VPS13B: variants seen among roughly 807,000 people sequenced by gnomAD.
VPS13B encodes vacuolar protein sorting 13 homolog B, also known as intermembrane lipid transfer protein VPS13B.
In VPS13B, 285 loss-of-function variants were observed where a neutral mutation model predicts 426.4. The observed-to-expected ratio is 0.67, with a 90% CI of 0.61 to 0.74. The LOEUF is 0.74. Ranked by LOEUF, VPS13B falls within the 30% of genes least tolerant of loss-of-function variation. VPS13B has a pLI of 0.00. For missense variants in VPS13B, 4,537 were observed against 4,782.6 expected (o/e 0.95, Z 1.51); for synonymous variants, 1,676 against 1,676.4 (o/e 1.00, Z 0.01).
At chr8:99,747,800 T>C (rs574752552) in intron 39 of VPS13B, among the ~76,000 whole-genome samples, 27 of 152,166 alleles carry the variant, frequency 1.8e-4, no homozygotes, top group African/African-American at 5.8e-4. Flanking sequence ...TTCTGAGGTT[T>C]TTTGTTTTGT....
intron 24 of VPS13B, among the ~76,000 whole-genome samples, chr8:99,475,433 A>G (rs576470769): frequency 8.9e-4 from 135 of 152,200 alleles, no homozygotes; most frequent in African/African-American, 3.0e-3. Flanking sequence ...GGATAGTCCT[A>G]CTCCACATGT....
chr8:99,810,739 A>G (rs916323031), intron 44 of VPS13B, among the ~76,000 whole-genome samples: 30 of 152,352 alleles, frequency 2.0e-4, no homozygotes, highest in Admixed American at 3.9e-4. Context: ...ATGTAAGCCC[A>G]ACAATGTTGT....
chr8:99,859,452 C>T lies in VPS13B; in HGVS notation c.11016C>T (p.Thr3672=), dbSNP rs2130933856. 1 of 1,613,912 alleles carries T rather than the reference C, an allele frequency of 6.2e-7. No individual in the cohort carries two copies. The highest frequency in any genetic ancestry group is 1.1e-5 in the South Asian group (1 of 91,072). ...TCGTGAGTGGCGTCTCCAGAGGGACCACATCGTTTGTAAAGCACATCTCCA... is the reference window on the plus strand; with the variant it reads ...TCGTGAGTGGCGTCTCCAGAGGGACTACATCGTTTGTAAAGCACATCTCCA... ...GAFVSGVSRG[T]TSFVKHISKG... The change falls in exon 57 of 62, where the codon ACC becomes ACT. Residue 3672 remains threonine, a synonymous_variant. Transcript: ENST00000357162.
At chr8:99,319,477 A>G (rs1218507898) in intron 19 of VPS13B, among the ~76,000 whole-genome samples, 2 of 152,220 alleles carry the variant, frequency 1.3e-5, no homozygotes, top group Admixed American at 6.5e-5. Flanking sequence ...TTTAACTTAC[A>G]TGGAAATCTG....
At chr8:99,724,988 A>G (rs1349147575) in intron 39 of VPS13B, among the ~76,000 whole-genome samples, 1 of 152,092 alleles carries the variant, frequency 6.6e-6, no homozygotes, top group Non-Finnish European at 1.5e-5. Flanking sequence ...CCAACCTATA[A>G]CATCCTGCTT....
At chr8:99,468,379 T>C (rs947887202) in intron 24 of VPS13B, among the ~76,000 whole-genome samples, 1 of 152,134 alleles carries the variant, frequency 6.6e-6, no homozygotes, top group African/African-American at 2.4e-5. Context: ...TATTAAACTG[T>C]AAAATTACAA....
At chr8:99,342,598 G>T (rs1811313725) in intron 19 of VPS13B, among the ~76,000 whole-genome samples, 1 of 152,066 alleles carries the variant, frequency 6.6e-6, no homozygotes, top group African/African-American at 2.4e-5. Context: ...AGGCTGAATA[G>T]TAGTCTATTG....
At chr8:99,556,753 G>A (rs1315845375) in intron 31 of VPS13B, 100 bp downstream of exon 31, 8 of 1,292,290 alleles carry the variant, frequency 6.2e-6, no homozygotes, top group Non-Finnish European at 8.8e-6. Flanking sequence ...TAAGTATTTT[G>A]GTATTGCTTC....
intron 19 of VPS13B, among the ~76,000 whole-genome samples, chr8:99,364,157 G>A (rs538631373): frequency 6.6e-6 from 1 of 152,144 alleles, no homozygotes; most frequent in South Asian, 2.1e-4. Context: ...TGTCTTTTGA[G>A]GATTTTTATC....
chr8:99,241,681 A>G (rs183096440), intron 17 of VPS13B, among the ~76,000 whole-genome samples: 30 of 152,322 alleles, frequency 2.0e-4, no homozygotes, highest in Admixed American at 1.2e-3. Flanking sequence ...AAAGCCAGTT[A>G]TTCAAAAGAA....
At chr8:99,191,119 G>T (rs1563593267) in intron 16 of VPS13B, among the ~76,000 whole-genome samples, 1 of 151,558 alleles carries the variant, frequency 6.6e-6, no homozygotes, top group Non-Finnish European at 1.5e-5. Flanking sequence ...GTATTCTGTT[G>T]TCTTCTGTTC....
At chr8:99,265,298 A>C (rs1283751950) in intron 17 of VPS13B, among the ~76,000 whole-genome samples, 1 of 152,116 alleles carries the variant, frequency 6.6e-6, no homozygotes, top group Non-Finnish European at 1.5e-5. Context: ...GAACTTGTTG[A>C]TTGTAGGGGA....
intron 4 of VPS13B, among the ~76,000 whole-genome samples, chr8:99,100,197 G>C (rs1188386600): frequency 6.6e-6 from 1 of 152,156 alleles, no homozygotes; most frequent in Non-Finnish European, 1.5e-5. Flanking sequence ...TTCTACAGAA[G>C]TAGTTCTTTC....
intron 3 of VPS13B, among the ~76,000 whole-genome samples, chr8:99,056,611 G>C (rs934943498): frequency 6.6e-6 from 1 of 152,140 alleles, no homozygotes. Flanking sequence ...TATCTTTGAC[G>C]GAATGCTTTC....
chr8:99,733,759 C>T (rs1357827136), intron 39 of VPS13B, among the ~76,000 whole-genome samples: 1 of 152,058 alleles, frequency 6.6e-6, no homozygotes, highest in African/African-American at 2.4e-5. Context: ...AAAAATGAAA[C>T]TTTATTACCT....
At chr8:99,086,773 A>T (rs1845833288) in intron 3 of VPS13B, among the ~76,000 whole-genome samples, 1 of 152,086 alleles carries the variant, frequency 6.6e-6, no homozygotes, top group Admixed American at 6.5e-5. Flanking sequence ...AGAACAGTGG[A>T]TATTGGTGAA....
chr8:99,323,997 G>A (rs11994445), intron 19 of VPS13B, among the ~76,000 whole-genome samples: 7,474 of 152,168 alleles, frequency 0.049, 205 homozygotes, highest in African/African-American at 0.071. Context: ...ATGTTAATGG[G>A]GTGAAGTAAT....
intron 39 of VPS13B, among the ~76,000 whole-genome samples, chr8:99,758,034 G>C (rs898199407): frequency 1.3e-5 from 2 of 152,138 alleles, no homozygotes; most frequent in African/African-American, 4.8e-5. Context: ...TCTTGGAATA[G>C]TCATCTTTCC....
intron 15 of VPS13B, among the ~76,000 whole-genome samples, chr8:99,159,688 CT>C (rs889074885): frequency 5.3e-5 from 8 of 152,094 alleles, no homozygotes; most frequent in African/African-American, 1.7e-4. Context: ...AGGGCAGAGT[CT>C]TACTCTGTCA....
Sources: gnomAD v4.1 joint callset for allele counts (sites outside exome capture counted in the v4.1 genomes callset) on GRCh38, gnomAD v4.1.1 for gene constraint, MANE v1.5 for transcripts, NCBI Gene and HGNC (gene_info 2026-07-23, HGNC 2026-07-21) for gene names.